Variants in SORCS2 observed in about 807,000 individuals in gnomAD.
SORCS2 encodes the protein sortilin related VPS10 domain containing receptor 2.
SORCS2 carries 100 observed loss-of-function variants against 141.6 expected under a neutral mutation model. That is an observed-to-expected ratio of 0.71 (90% CI 0.60 to 0.83). The LOEUF is 0.83. SORCS2 is among the 40% of genes least tolerant of loss of function. The pLI, the probability that SORCS2 is intolerant of heterozygous loss-of-function variation, is 0.00. For synonymous variants in SORCS2, 789 were observed against 676.9 expected (o/e 1.17, Z -2.57); for missense variants, 1,646 against 1,560.2 (o/e 1.05, Z -0.93).
intron 1 of SORCS2, among the ~76,000 whole-genome samples, chr4:7,342,830 AGAT>A (rs1044568502): frequency 6.6e-6 from 1 of 152,256 alleles, no homozygotes; most frequent in Non-Finnish European, 1.5e-5. Context: ...GTGAGCAGGC[AGAT>A]GGGACTAATT....
rs200707060 is a variant in SORCS2 at position 7,370,138 on chromosome 4, C to CT, written c.481-26142dup. On this transcript the variant is annotated intron_variant, in intron 1 of 26. Transcript: ENST00000507866. Reference sequence around the variant, plus strand: ...GTGTGCAGGGGACCCAGGAGAGGCCCTTTTTTTTGCTCAATCCCTGGGCTC... The same window carrying CT: ...GTGTGCAGGGGACCCAGGAGAGGCCCTTTTTTTTTGCTCAATCCCTGGGCTC... Among the ~76,000 whole-genome samples the CT allele has an allele frequency of 4.1e-3, 630 of 152,102 alleles. 4 individuals are homozygous for CT. The highest frequency in any genetic ancestry group is 5.4e-3 in the Non-Finnish European group (367 of 67,960).
intron 1 of SORCS2, among the ~76,000 whole-genome samples, chr4:7,309,730 C>T (rs1042087788): frequency 6.6e-6 from 1 of 152,138 alleles, no homozygotes; most frequent in Non-Finnish European, 1.5e-5. Context: ...TGGGGTCAAG[C>T]GTGGGCGGGG....
Position 7,710,121 on chromosome 4 carries a change from A to C in SORCS2, c.1869-2612A>C, listed in dbSNP as rs1725729342. On this transcript the variant is annotated intron_variant, in intron 14 of 26. Transcript: ENST00000507866. ...CAAACCAGCCTCTCTGCTCTGCCCC[A>C]GCTCAGAACAGCGGTGAGACTGAGG... Among the ~76,000 whole-genome samples, 3 of 152,302 alleles carry C rather than the reference A, an allele frequency of 2.0e-5. No homozygotes were observed. The South Asian group carries it at 6.2e-4, about 32-fold the overall frequency.
chr4:7,458,623 G>A (rs1043944626), intron 2 of SORCS2, among the ~76,000 whole-genome samples: 4 of 152,166 alleles, frequency 2.6e-5, no homozygotes, highest in Admixed American at 6.6e-5. Flanking sequence ...GGATGATCTC[G>A]CTTTCATTTA....
intron 2 of SORCS2, among the ~76,000 whole-genome samples, chr4:7,493,978 T>A (rs1360982411): frequency 6.6e-6 from 1 of 152,080 alleles, no homozygotes; most frequent in Non-Finnish European, 1.5e-5. Flanking sequence ...CCACTTAACA[T>A]ACAGACAGCA....
At chr4:7,704,863 C>T (rs115086231) in intron 14 of SORCS2, among the ~76,000 whole-genome samples, 1,736 of 152,286 alleles carry the variant, frequency 0.011, 43 homozygotes, top group African/African-American at 0.04. Context: ...TGGGTGCCCT[C>T]GAACATGGGC....
At chr4:7,724,106 G>GTGGTGGTGATGGTGATGGTGA (rs1726798178) in intron 19 of SORCS2, among the ~76,000 whole-genome samples, 8 of 149,784 alleles carry the variant, frequency 5.3e-5, no homozygotes, top group Non-Finnish European at 1.2e-4. Flanking sequence ...ATTGATGATA[G>GTGGTGGTGATGGTGATGGTGA]TGGTGGTGAT....
intron 2 of SORCS2, among the ~76,000 whole-genome samples, chr4:7,413,094 A>G (rs1725432826): frequency 6.6e-6 from 1 of 152,090 alleles, no homozygotes. Context: ...GTGCTTTAAG[A>G]ATCTCTTCTT....
intron 1 of SORCS2, among the ~76,000 whole-genome samples, chr4:7,388,545 C>T (rs11731003): frequency 0.13 from 19,298 of 152,154 alleles, 1,571 homozygotes; most frequent in Admixed American, 0.21. Flanking sequence ...CTCCTGTTAT[C>T]CCTCCCCGCT....
chr4:7,624,485 A>G (rs909076095), intron 3 of SORCS2, among the ~76,000 whole-genome samples: 1 of 152,226 alleles, frequency 6.6e-6, no homozygotes, highest in African/African-American at 2.4e-5. Context: ...CAGCCACAAT[A>G]CTATCTTGGC....
Position 7,742,100 on chromosome 4 carries a change from C to G in SORCS2, c.*1836C>G, listed in dbSNP as rs1366124840. The stretch of plus-strand genomic sequence containing the variant: ...CCTGCCCACCTGGGGCTCCTGTGCC[C>G]CCTCCCCACTCCAGAGGCCACCCTA... On this transcript the variant is annotated 3_prime_UTR_variant, in exon 27 of 27. Transcript: ENST00000507866. 6.6e-6 allele frequency: 1 copy of G among 152,272 alleles called. No homozygotes were observed. The highest frequency in any genetic ancestry group is 1.5e-5 in the Non-Finnish European group (1 of 68,102). 9.4% of individuals were successfully genotyped at this position (152,272 alleles called of 1,614,324 possible).
In SORCS2 at chr4:7,726,752, G is replaced by A. The variant is rs781701440; in HGVS notation, c.2746-28G>A. The A allele has an allele frequency of 1.0e-5, 16 of 1,607,986 alleles. No individual in the cohort carries two copies. In the Middle Eastern group the frequency reaches 5.0e-4, roughly 50 times the overall value. ...CACGGCCGCTGCCTCACTCGGCCAG[G>A]CCCCTAAGCCCTGCTGTGCCCCTGC... On this transcript the variant is annotated intron_variant, in intron 20 of 26. Transcript: ENST00000507866.
intron 4 of SORCS2, among the ~76,000 whole-genome samples, chr4:7,650,530 G>C (rs1024161692): frequency 2.0e-5 from 3 of 152,180 alleles, no homozygotes; most frequent in African/African-American, 7.2e-5. Flanking sequence ...GTGGGCGCTA[G>C]TGGAGCCAGG....
intron 1 of SORCS2, among the ~76,000 whole-genome samples, chr4:7,241,833 G>A (rs1270869068): frequency 6.6e-6 from 1 of 152,236 alleles, no homozygotes; most frequent in Non-Finnish European, 1.5e-5. Flanking sequence ...AAACATCTGT[G>A]TGCGTGTGTG....
At chr4:7,196,368 G>A (rs554609004) in intron 1 of SORCS2, among the ~76,000 whole-genome samples, 6 of 152,128 alleles carry the variant, frequency 3.9e-5, no homozygotes, top group Non-Finnish European at 8.8e-5. Context: ...CTGGGGTTGC[G>A]GTTTCATGTT....
At position 7,496,751 on chromosome 4, in the gene SORCS2, C is replaced by T. The variant is rs534643096; in HGVS notation, c.549-34779C>T. On this transcript the variant is annotated intron_variant, in intron 2 of 26. Coordinates refer to ENST00000507866, the MANE Select transcript of SORCS2 (RefSeq NM_020777.3). ...AGCGAGGCGTGGGTGGGAAAGTCCA[C>T]GGCGGAATCCAAGGCGCCTTCACCA... 5.9e-5 allele frequency among the ~76,000 whole-genome samples: 9 copies of T among 152,190 alleles called. No homozygotes were observed. In the East Asian group the frequency reaches 7.7e-4, roughly 13 times the overall value.
At chr4:7,695,912 A>ATTGG (rs1560490911) in intron 11 of SORCS2, among the ~76,000 whole-genome samples, 2 of 95,072 alleles carry the variant, frequency 2.1e-5, no homozygotes, top group East Asian at 6.9e-4. Flanking sequence ...GGATGGATGG[A>ATTGG]TGGATGGATG....
intron 3 of SORCS2, among the ~76,000 whole-genome samples, chr4:7,533,003 C>G (rs1711788440): frequency 6.6e-6 from 1 of 151,226 alleles, no homozygotes; most frequent in Admixed American, 6.6e-5. Flanking sequence ...TTGACCTGAG[C>G]CAGCCCCTGC....
chr4:7,432,505 T>A (rs1726939981), intron 2 of SORCS2: 1 of 152,156 alleles, frequency 6.6e-6, no homozygotes, highest in Non-Finnish European at 1.5e-5. Flanking sequence ...GTCTTTGCCC[T>A]CGCTGCTCCA....
Sources: allele counts gnomAD v4.1 joint callset (sites outside exome capture counted in the v4.1 genomes callset), GRCh38; gene constraint gnomAD v4.1.1; transcripts MANE v1.5; gene names NCBI Gene and HGNC (gene_info 2026-07-23, HGNC 2026-07-21).